Variants in SAMMSON observed in about 807,000 individuals in gnomAD.
The protein encoded by SAMMSON is survival associated mitochondrial melanoma specific oncogenic non-coding RNA.
chr3:70,266,607 AT>A (rs1159131485), intron 6 of SAMMSON, among the ~76,000 whole-genome samples: 1 of 151,472 alleles, frequency 6.6e-6, no homozygotes. Context: ...TTTATTTTTA[AT>A]TTTTTTATTT....
intron 4 of SAMMSON, among the ~76,000 whole-genome samples, chr3:70,233,281 G>A (rs1701578536): frequency 6.6e-6 from 1 of 152,158 alleles, no homozygotes; most frequent in South Asian, 2.1e-4. Context: ...TGTGGAGTGG[G>A]TGGCCCTGGT....
chr3:70,004,771 T>C (rs1172924875), intron 1 of SAMMSON, among the ~76,000 whole-genome samples: 1 of 149,770 alleles, frequency 6.7e-6, no homozygotes, highest in East Asian at 1.9e-4. Flanking sequence ...TGAGTTCAGA[T>C]AATGAGACAT....
At chr3:70,343,923 A>T (rs1281097161) in intron 7 of SAMMSON, among the ~76,000 whole-genome samples, 1 of 149,976 alleles carries the variant, frequency 6.7e-6, no homozygotes, top group South Asian at 2.1e-4. Context: ...ATTATATAAT[A>T]TAATTTTATA....
At chr3:70,327,329 C>T (rs182020762) in intron 7 of SAMMSON, among the ~76,000 whole-genome samples, 2 of 152,216 alleles carry the variant, frequency 1.3e-5, no homozygotes, top group African/African-American at 4.8e-5. Context: ...AGACATTAGA[C>T]AACAAGCTGT....
At chr3:70,432,800 G>C (rs575754952) in intron 2 of SAMMSON, among the ~76,000 whole-genome samples, 1 of 152,014 alleles carries the variant, frequency 6.6e-6, no homozygotes, top group Non-Finnish European at 1.5e-5. Flanking sequence ...AATACCCCGT[G>C]CTCCACCTAT....
At chr3:70,211,446 T>C (rs1436025035) in intron 4 of SAMMSON, among the ~76,000 whole-genome samples, 2 of 96,232 alleles carry the variant, frequency 2.1e-5, no homozygotes, top group Admixed American at 1.1e-4. Context: ...CTTCCCTTCC[T>C]TTCCCTTCCC....
intron 7 of SAMMSON, among the ~76,000 whole-genome samples, chr3:70,306,362 C>T (rs111692764): frequency 0.038 from 5,861 of 152,242 alleles, 160 homozygotes; most frequent in East Asian, 0.08. Flanking sequence ...CTACCCGCCT[C>T]GGCCTCCCAA....
chr3:70,192,815 T>A (rs961526570), intron 4 of SAMMSON, among the ~76,000 whole-genome samples: 1 of 152,216 alleles, frequency 6.6e-6, no homozygotes, highest in African/African-American at 2.4e-5. Flanking sequence ...GCATCCTGTG[T>A]TTTGTCTGGC....
intron 3 of SAMMSON, among the ~76,000 whole-genome samples, chr3:70,056,223 G>T (rs986281842): frequency 6.6e-6 from 1 of 151,992 alleles, no homozygotes; most frequent in African/African-American, 2.4e-5. Context: ...CCATGTGATT[G>T]TCCATCTGGC....
At chr3:70,423,215 A>G (rs1221811529) in intron 2 of SAMMSON, among the ~76,000 whole-genome samples, 1 of 152,120 alleles carries the variant, frequency 6.6e-6, no homozygotes, top group Non-Finnish European at 1.5e-5. Context: ...CATGTTAACA[A>G]TGTTACCAGT....
intron 6 of SAMMSON, among the ~76,000 whole-genome samples, chr3:70,268,304 G>A (rs929721435): frequency 2.6e-5 from 4 of 151,820 alleles, no homozygotes; most frequent in Non-Finnish European, 4.4e-5. Context: ...AACACCCACC[G>A]TCTGTACTAA....
intron 6 of SAMMSON, among the ~76,000 whole-genome samples, chr3:70,271,043 G>T (rs1200111457): frequency 6.6e-6 from 1 of 151,814 alleles, no homozygotes; most frequent in African/African-American, 2.4e-5. Flanking sequence ...TAATAAAAAA[G>T]AAATATTGAA....
chr3:70,112,204 A>G (rs1447294260), intron 4 of SAMMSON, among the ~76,000 whole-genome samples: 1 of 152,290 alleles, frequency 6.6e-6, no homozygotes, highest in South Asian at 2.1e-4. Flanking sequence ...GACAGATTAC[A>G]TATAAAGGAG....
chr3:70,342,901 T>C lies in SAMMSON; in HGVS notation n.740-11274T>C, dbSNP rs1380800846. ...TAAGAGTAAAGAGGTGGCTTGTTCC[T>C]ATATTATAGTTGAAGTCATTCAGCA... On this transcript the variant is annotated intron_variant and non_coding_transcript_variant, in intron 7 of 9. Transcript: ENST00000642114. Among the ~76,000 whole-genome samples, 4 of 152,188 alleles carry C rather than the reference T, an allele frequency of 2.6e-5. No homozygotes were observed. In the South Asian group the frequency reaches 6.2e-4, roughly 24 times the overall value.
At chr3:70,189,541 G>A (rs961875107) in intron 4 of SAMMSON, among the ~76,000 whole-genome samples, 3 of 152,140 alleles carry the variant, frequency 2.0e-5, no homozygotes, top group African/African-American at 2.4e-5. Flanking sequence ...TTTGCACTTC[G>A]CCCAACCTAG....
chr3:70,406,243 A>G (rs1174294884), intron 2 of SAMMSON, among the ~76,000 whole-genome samples: 2 of 152,204 alleles, frequency 1.3e-5, no homozygotes, highest in Non-Finnish European at 2.9e-5. Context: ...TTCATCAGAA[A>G]TAATTCTAAC....
chr3:70,419,773 A>C (rs1701296834), intron 2 of SAMMSON, among the ~76,000 whole-genome samples: 1 of 151,990 alleles, frequency 6.6e-6, no homozygotes, highest in South Asian at 2.1e-4. Flanking sequence ...CGAGTAGCTG[A>C]GACTACGGGT....
At chr3:70,369,332 C>T (rs531067982) in intron 9 of SAMMSON, among the ~76,000 whole-genome samples, 2 of 151,704 alleles carry the variant, frequency 1.3e-5, no homozygotes, top group South Asian at 2.1e-4. Context: ...TTTATTTCTT[C>T]CCTTCATGAC....
intron 4 of SAMMSON, chr3:70,075,162 G>T (rs1046746169): frequency 2.0e-5 from 3 of 152,002 alleles, no homozygotes; most frequent in African/African-American, 7.2e-5. Context: ...ATGGAATTAC[G>T]TTGCAATTTG....
Sources: allele counts gnomAD v4.1 joint callset (sites outside exome capture counted in the v4.1 genomes callset), GRCh38; gene constraint gnomAD v4.1.1; transcripts MANE v1.5; gene names NCBI Gene and HGNC (gene_info 2026-07-23, HGNC 2026-07-21).